Variants in PHAX observed in about 807,000 individuals in gnomAD.
The protein encoded by PHAX is phosphorylated adapter RNA export protein.
In PHAX, 31 loss-of-function variants were observed where a neutral mutation model predicts 41.6. The ratio of observed to expected loss-of-function variants is 0.75; its 90% confidence interval spans 0.56 to 1.01. The LOEUF (loss-of-function observed/expected upper bound fraction) is 1.01, where lower values mean the gene tolerates loss of function less well. Among genes scored for constraint, PHAX ranks in the 50% least tolerant of loss-of-function variants. The probability of loss-of-function intolerance (pLI) is 0.00; values close to 1 mark genes in which losing one functional copy is unlikely to be tolerated. For missense variants in PHAX, 453 were observed against 472.9 expected (o/e 0.96, Z 0.39); for synonymous variants, 175 against 164.9 (o/e 1.06, Z -0.47).
rs376623698 is a variant in PHAX, at chr5:126,609,353, G to A, written c.831+869G>A. On this transcript the variant is annotated intron_variant, in intron 3 of 4. Coordinates refer to ENST00000297540, the MANE Select transcript of PHAX (RefSeq NM_032177.4). ...TGACCTTAGGCAATCCACCCAGCTC[G>A]GCCTCCCAAAGTGCTGGGATTACAG... is the stretch of plus-strand genomic sequence containing the variant. Among the ~76,000 whole-genome samples, 81 of 151,932 alleles carry A rather than the reference G, an allele frequency of 5.3e-4. No homozygotes were observed. In the East Asian group the frequency reaches 0.015, roughly 27 times the overall value.
At chr5:126,606,048 C>CT (rs1160723497) in intron 2 of PHAX, among the ~76,000 whole-genome samples, 1 of 152,172 alleles carries the variant, frequency 6.6e-6, no homozygotes, top group Non-Finnish European at 1.5e-5. Context: ...TGCTAATCTA[C>CT]TTTCTGTCTA....
chr5:126,601,994 TGAGAC>T (rs1294740041), intron 1 of PHAX, among the ~76,000 whole-genome samples: 1 of 151,720 alleles, frequency 6.6e-6, no homozygotes, highest in Non-Finnish European at 1.5e-5. Context: ...TATTTTTAGT[TGAGAC>T]GAGATTTCTC....
In PHAX at chr5:126,625,153, G is replaced by A. The variant is rs929913621; in HGVS notation, c.*309G>A. 8.3e-6 allele frequency: 2 copies of A among 240,688 alleles called. No individual in the cohort carries two copies. Among genetic ancestry groups the A allele is most frequent in the African/African-American group, 4.5e-5 (2 of 44,368 alleles). The allele number at this position is 240,688 out of a possible 1,614,324, so 14.9% of individuals were successfully genotyped here. ...TAACATACCATTTGTAAGTTTGTTT[G>A]CTTTTTCAGGTTTATCTTTGCAGTG... is the stretch of plus-strand genomic sequence containing the variant. On this transcript the variant is annotated 3_prime_UTR_variant, in exon 5 of 5. Transcript: ENST00000297540.
At chr5:126,622,853 C>T (rs1039523384) in intron 4 of PHAX, among the ~76,000 whole-genome samples, 3 of 151,910 alleles carry the variant, frequency 2.0e-5, no homozygotes, top group Non-Finnish European at 2.9e-5. Context: ...GGGCCGGGCG[C>T]GGTGGCTTAC....
At position 126,607,580 on chromosome 5, in the gene PHAX, TTTTGTAAAGACGGGG is replaced by T. The variant is rs1752010557; in HGVS notation, c.711-780_711-766del. Among the ~76,000 whole-genome samples the T allele has an allele frequency of 2.0e-5, 3 of 151,940 alleles. No individual in the cohort carries two copies. In the South Asian group the frequency reaches 6.2e-4, roughly 32 times the overall value. The stretch of plus-strand genomic sequence containing the variant: ...CACCACACCCAGCTAATTTTGTATT[TTTTGTAAAGACGGGG>T]TTTCTCCACGTTAGTCAGACTGGTC... On this transcript the variant is annotated intron_variant, in intron 2 of 4. Coordinates refer to ENST00000297540, the MANE Select transcript of PHAX (RefSeq NM_032177.4).
intron 3 of PHAX, among the ~76,000 whole-genome samples, chr5:126,616,320 T>G (rs1162953048): frequency 6.6e-6 from 1 of 152,138 alleles, no homozygotes. Flanking sequence ...AGTCTTGAAT[T>G]CCTGACCTCA....
chr5:126,609,986 C>G (rs987809404), intron 3 of PHAX, among the ~76,000 whole-genome samples: 4 of 152,172 alleles, frequency 2.6e-5, no homozygotes, highest in African/African-American at 9.7e-5. Context: ...ATCCGCCTGC[C>G]TCGGCCTCCC....
At chr5:126,606,336 C>T (rs1402606243) in intron 2 of PHAX, among the ~76,000 whole-genome samples, 1 of 151,848 alleles carries the variant, frequency 6.6e-6, no homozygotes, top group Non-Finnish European at 1.5e-5. Flanking sequence ...GCTGGAATTA[C>T]AGCCATGTGC....
In PHAX at chr5:126,620,823, C is replaced by T. The variant is rs143019007; in HGVS notation, c.915+3490C>T. 3.0e-3 allele frequency among the ~76,000 whole-genome samples: 448 copies of T among 151,398 alleles called. 2 individuals are homozygous for T. The highest frequency in any genetic ancestry group is 0.01 in the African/African-American group (423 of 41,230). ...GACGATCTCGGCTCACTGCATCCTC[C>T]GCCTCCCAGCTTCAAGCAGTTCTCT... On this transcript the variant is annotated intron_variant, in intron 4 of 4. Coordinates refer to ENST00000297540, the MANE Select transcript of PHAX (RefSeq NM_032177.4).
At chr5:126,613,601 A>G (rs1026196223) in intron 3 of PHAX, among the ~76,000 whole-genome samples, 12 of 151,976 alleles carry the variant, frequency 7.9e-5, no homozygotes, top group Non-Finnish European at 1.5e-4. Flanking sequence ...GGATCCCTTG[A>G]GCCCAGAAGG....
In PHAX at chr5:126,600,967, C is replaced by A. The variant is rs1306833495; in HGVS notation, c.5C>A (p.Ala2Glu). Residue 2 changes from alanine (A) to glutamate (E), a missense_variant, in exon 1 of 5, where the codon GCG (alanine) becomes GAG (glutamate). Coordinates refer to ENST00000297540, the MANE Select transcript of PHAX (RefSeq NM_032177.4). ...AGCGCAGCGCACCGCGGGAAGATGG[C>A]GTTGGAGGTCGGCGATATGGAAGAT... M[A>E]LEVGDMEDGQ... The A allele has an allele frequency of 6.2e-7, 1 of 1,603,294 alleles. No homozygotes were observed. The highest frequency in any genetic ancestry group is 8.5e-7 in the Non-Finnish European group (1 of 1,174,842).
chr5:126,608,299 C>T, intron 2 of PHAX, 65 bp from the exon 3 acceptor site: 1 of 1,530,580 alleles, frequency 6.5e-7, no homozygotes, highest in Non-Finnish European at 8.8e-7. Context: ...TAGCTGGTGA[C>T]TAAGGTAGAT....
At chr5:126,619,403 C>T (rs113035562) in intron 4 of PHAX, among the ~76,000 whole-genome samples, 3 of 151,944 alleles carry the variant, frequency 2.0e-5, no homozygotes, top group African/African-American at 7.3e-5. Flanking sequence ...CATGGTGAAA[C>T]CCCGACCCTA....
rs1403958812 is a variant in PHAX at position 126,607,910 on chromosome 5, A to AT, written c.711-448dup. On this transcript the variant is annotated intron_variant, in intron 2 of 4. Coordinates refer to ENST00000297540, the MANE Select transcript of PHAX (RefSeq NM_032177.4). ...CCATCAGTAAATATTAGCTGTTTCT[A>AT]TTTTTTGTTCTGAGGCAGGGAGTCT... Among the ~76,000 whole-genome samples, 13 of 152,202 alleles carry AT rather than the reference A, an allele frequency of 8.5e-5. No individual in the cohort carries two copies. The South Asian group carries it at 2.7e-3, about 32-fold the overall frequency.
chr5:126,615,513 T>TC (rs1430679314), intron 3 of PHAX, among the ~76,000 whole-genome samples: 4 of 151,096 alleles, frequency 2.6e-5, no homozygotes, highest in Non-Finnish European at 4.4e-5. Flanking sequence ...CTGTGCTTTT[T>TC]TTTTTTTTTT....
At position 126,604,129 on chromosome 5, in the gene PHAX, AC is replaced by A. The variant is rs1477998550; in HGVS notation, c.657del (p.Tyr219Ter). On this transcript the variant is annotated frameshift_variant, in exon 2 of 5. Transcript: ENST00000297540. LOFTEE classifies it high-confidence loss of function. ...NRPEMNYKGR[Y>X]EITAEDSQEK... is the part of the protein sequence containing the mutation. ...CCAGAAATGAACTATAAAGGTCGAT[AC>A]GAGATCACAGCGGAAGATTCTCAAG... The A allele has an allele frequency of 1.9e-6, 3 of 1,583,018 alleles. No homozygotes were observed.
rs1306792443 is a variant in PHAX at position 126,625,679 on chromosome 5, G to C, written c.*835G>C. On this transcript the variant is annotated 3_prime_UTR_variant, in exon 5 of 5. Coordinates refer to ENST00000297540, the MANE Select transcript of PHAX (RefSeq NM_032177.4). The stretch of plus-strand genomic sequence containing the variant: ...GTTTGTCCAGAAGTAAATAAATGTC[G>C]GAAGTTTTCCAAGTAACTATTTGTT... 2 of 151,864 alleles carry C rather than the reference G, an allele frequency of 1.3e-5. No homozygotes were observed. Among genetic ancestry groups the C allele is most frequent in the South Asian group, 4.2e-4 (2 of 4,816 alleles). The allele number at this position is 151,864 out of a possible 1,614,324, so 9.4% of individuals were successfully genotyped here. A position where few individuals can be genotyped will look rare whatever the true frequency, so the allele number is the denominator to read the frequency against.
chr5:126,605,279 A>T (rs1054512191), intron 2 of PHAX, among the ~76,000 whole-genome samples: 11 of 152,054 alleles, frequency 7.2e-5, no homozygotes, highest in African/African-American at 2.7e-4. Context: ...CTCCTGCCTC[A>T]ACTTCCCAGA....
rs768962962 is a variant in PHAX at position 126,624,775 on chromosome 5, T to C, written c.1116T>C (p.His372=). ...CTCTTGATGAGTCACAGGAAGGACA[T>C]GCAGAAGCCAAGTTGGAGGCAGAGG... ...LASLDESQEG[H]AEAKLEAEEA... is the part of the protein sequence containing the mutation. Residue 372 remains histidine (H), a synonymous_variant, in exon 5 of 5, where the codon CAT becomes CAC. Coordinates refer to ENST00000297540, the MANE Select transcript of PHAX (RefSeq NM_032177.4). 3.1e-6 allele frequency: 5 copies of C among 1,613,850 alleles called. No individual in the cohort carries two copies. Among genetic ancestry groups the C allele is most frequent in the Non-Finnish European group, 4.2e-6 (5 of 1,179,978 alleles).
Sources: gnomAD v4.1 joint callset for allele counts (sites outside exome capture counted in the v4.1 genomes callset) on GRCh38, gnomAD v4.1.1 for gene constraint, MANE v1.5 for transcripts, NCBI Gene and HGNC (gene_info 2026-07-23, HGNC 2026-07-21) for gene names.